RLF: variants seen among roughly 807,000 people sequenced by gnomAD.
RLF encodes the protein zinc finger protein Rlf.
A neutral mutation model predicts 162.9 loss-of-function variants in RLF; 7 were observed. That is an observed-to-expected ratio of 0.04 (90% CI 0.02 to 0.08). RLF has a LOEUF of 0.08. Among genes scored for constraint, RLF ranks in the 10% least tolerant of loss-of-function variants. The pLI, the probability that RLF is intolerant of heterozygous loss-of-function variation, is 1.00. For synonymous variants in RLF, 782 were observed against 791.5 expected (o/e 0.99, Z 0.20); for missense variants, 1,664 against 2,244.7 (o/e 0.74, Z 5.23).
intron 4 of RLF, among the ~76,000 whole-genome samples, chr1:40,201,853 TTAAA>T: frequency 6.6e-6 from 1 of 152,276 alleles, no homozygotes; most frequent in South Asian, 2.1e-4. Context: ...CATTGGGTTT[TTAAA>T]TAAAAGTGAA....
intron 4 of RLF, among the ~76,000 whole-genome samples, chr1:40,199,531 C>T (rs1231482589): frequency 1.3e-5 from 2 of 152,166 alleles, no homozygotes; most frequent in Non-Finnish European, 2.9e-5. Flanking sequence ...AGCTGTGTGT[C>T]AGAATCAGGT....
intron 1 of RLF, among the ~76,000 whole-genome samples, chr1:40,185,930 G>A (rs1642474643): frequency 6.6e-6 from 1 of 151,600 alleles, no homozygotes; most frequent in Non-Finnish European, 1.5e-5. Context: ...GCCAAGGCAG[G>A]CGGATCACTT....
intron 1 of RLF, among the ~76,000 whole-genome samples, chr1:40,169,350 C>CT (rs1642208039): frequency 1.3e-5 from 2 of 152,052 alleles, no homozygotes; most frequent in Non-Finnish European, 2.9e-5. Context: ...GGCGCGGTGG[C>CT]TCACGCCTGT....
chr1:40,186,119 C>G (rs1455621911), intron 1 of RLF, among the ~76,000 whole-genome samples: 1 of 151,890 alleles, frequency 6.6e-6, no homozygotes, highest in Non-Finnish European at 1.5e-5. Flanking sequence ...GATTTCACCA[C>G]CGCACCCCAA....
rs569323077 is a variant in RLF at position 40,224,795 on chromosome 1, T to C, written c.947+2085T>C. Among the ~76,000 whole-genome samples the C allele has an allele frequency of 3.2e-3, 484 of 150,840 alleles. 4 individuals carry two copies. The highest frequency in any genetic ancestry group is 2.5e-3 in the Non-Finnish European group (171 of 67,756). On this transcript the variant is annotated intron_variant, in intron 6 of 7. Transcript: ENST00000372771. ...TAAGGTCAGGAGTTCAAGACCAGCC[T>C]GACCAACATGGTGAAACCCCGTCTC...
In RLF at chr1:40,238,507, T is replaced by C; in HGVS notation, c.3805T>C (p.Ser1269Pro). ...TTGTGAAGAAACAGAAAGTAAAACA[T>C]CTGACATTTCATCACCAATAGGCAG... ...SSCEETESKT[S>P]DISSPIGSHR... The change falls in exon 8 of 8, where the codon TCT (serine) becomes CCT (proline). Residue 1269 changes from serine (S) to proline (P), a missense_variant. Transcript: ENST00000372771. This position sits in a 1 kb window ranked among gnomAD's most constrained non-coding sequence, Gnocchi z 5.2. 1.2e-6 allele frequency: 2 copies of C among 1,613,918 alleles called. No individual in the cohort carries two copies. The highest frequency in any genetic ancestry group is 2.2e-5 in the South Asian group (2 of 91,078).
intron 5 of RLF, among the ~76,000 whole-genome samples, chr1:40,210,419 A>G (rs1642850917): frequency 6.6e-6 from 1 of 152,212 alleles, no homozygotes; most frequent in African/African-American, 2.4e-5. Flanking sequence ...GTAGTAAAGC[A>G]CAGGTACTAA....
chr1:40,165,013 A>G (rs1186222053), intron 1 of RLF, among the ~76,000 whole-genome samples: 1 of 152,228 alleles, frequency 6.6e-6, no homozygotes, highest in Non-Finnish European at 1.5e-5. Context: ...GACCTTGGGC[A>G]TGTTATTTTC....
intron 1 of RLF, among the ~76,000 whole-genome samples, chr1:40,169,390 G>A (rs1642208529): frequency 6.6e-6 from 1 of 152,016 alleles, no homozygotes; most frequent in Non-Finnish European, 1.5e-5. Flanking sequence ...GCCGAGGCGG[G>A]TGGATCATGA....
At chr1:40,214,764 A>T (rs972470986) in intron 5 of RLF, among the ~76,000 whole-genome samples, 2 of 151,464 alleles carry the variant, frequency 1.3e-5, no homozygotes, top group East Asian at 1.9e-4. Flanking sequence ...CTACAAAAAA[A>T]TTTTTCAAAT....
At chr1:40,228,508 G>A (rs1453593521) in intron 6 of RLF, among the ~76,000 whole-genome samples, 5 of 151,812 alleles carry the variant, frequency 3.3e-5, no homozygotes, top group East Asian at 3.9e-4. Flanking sequence ...ACTTGAACCC[G>A]GGAGGCGGAG....
intron 5 of RLF, among the ~76,000 whole-genome samples, chr1:40,221,917 A>AAAAGAG (rs1486982312): frequency 5.8e-4 from 87 of 150,366 alleles, no homozygotes; most frequent in African/African-American, 2.0e-3. Context: ...AAAAAAAAAA[A>AAAAGAG]AGAGAAAGGA....
rs201441055 is a variant in RLF at position 40,222,552 on chromosome 1, T to A, written c.811-22T>A. The A allele has an allele frequency of 2.6e-4, 417 of 1,607,328 alleles. 2 individuals are homozygous for A. Among genetic ancestry groups the A allele is most frequent in the Admixed American group, 4.9e-4 (29 of 59,320 alleles). On this transcript the variant is annotated intron_variant, in intron 5 of 7. Coordinates refer to ENST00000372771, the MANE Select transcript of RLF (RefSeq NM_012421.4). ...GAAAAGTCACCATTTTCTTTTTGAC[T>A]TAGTCATCTCATTTTTGATAGATTG...
chr1:40,176,554 G>A (rs758484683), intron 1 of RLF, among the ~76,000 whole-genome samples: 3 of 152,122 alleles, frequency 2.0e-5, no homozygotes, highest in Non-Finnish European at 4.4e-5. Flanking sequence ...ATTCTCCCAC[G>A]ACAGCCTCCC....
intron 5 of RLF, among the ~76,000 whole-genome samples, chr1:40,210,189 A>T (rs528441842): frequency 6.6e-6 from 1 of 152,206 alleles, no homozygotes; most frequent in Non-Finnish European, 1.5e-5. Flanking sequence ...CTAATGTTGT[A>T]TTAGGCATTG....
intron 5 of RLF, among the ~76,000 whole-genome samples, chr1:40,221,917 A>AAAAAAAAAAAAAGAG (rs1486982312): frequency 2.7e-5 from 4 of 150,282 alleles, no homozygotes; most frequent in African/African-American, 9.9e-5. Flanking sequence ...AAAAAAAAAA[A>AAAAAAAAAAAAAGAG]AGAGAAAGGA....
At chr1:40,230,081 T>TC (rs1330622412) in intron 6 of RLF, among the ~76,000 whole-genome samples, 8 of 148,416 alleles carry the variant, frequency 5.4e-5, no homozygotes, top group African/African-American at 2.0e-4. Context: ...GCCATTGCAC[T>TC]CCAGCCTGGG....
rs747009290 is a variant in RLF at position 40,238,459 on chromosome 1, T to C, written c.3757T>C (p.Ser1253Pro). ...HCHPKKDECS[S>P]ETDLESSCEE... ...TCATCCTAAAAAGGATGAATGTAGT[T>C]CTGAAACAGATTTGGAATCATCTTG... The change falls in exon 8 of 8, where the codon TCT (serine) becomes CCT (proline). Residue 1253 changes from serine to proline, a missense_variant. By Grantham distance (74) the Ser-to-Pro change is moderately conservative (BLOSUM62 -1). Transcript: ENST00000372771. The surrounding 1 kb of genome is among the most constrained non-coding windows in gnomAD (Gnocchi z 5.2). The C allele has an allele frequency of 6.2e-7, 1 of 1,614,156 alleles. No individual in the cohort carries two copies. The highest frequency in any genetic ancestry group is 1.1e-5 in the South Asian group (1 of 91,088).
rs756514496 is a variant in RLF, at chr1:40,237,029, A to G, written c.2327A>G (p.Asn776Ser). 6.2e-7 allele frequency: 1 copy of G among 1,614,176 alleles called. No individual in the cohort carries two copies. The highest frequency in any genetic ancestry group is 8.5e-7 in the Non-Finnish European group (1 of 1,180,006). ...HDDLRYKCEL[N>S]GCNIVFSDLG... The stretch of plus-strand genomic sequence containing the variant: ...GATCTGCGTTACAAATGTGAATTAA[A>G]TGGCTGTAATATTGTTTTCAGTGAC... The change falls in exon 8 of 8, where the codon AAT (asparagine) becomes AGT (serine). Residue 776 changes from asparagine to serine, a missense_variant. Asn to Ser is a conservative substitution (Grantham distance 46, BLOSUM62 1). Transcript: ENST00000372771. The surrounding 1 kb of genome is among the most constrained non-coding windows in gnomAD (Gnocchi z 4.4).
Sources: gnomAD v4.1 joint callset for allele counts (sites outside exome capture counted in the v4.1 genomes callset) on GRCh38, gnomAD v4.1.1 for gene constraint, Gnocchi (gnomAD v3.1) non-coding constraint, MANE v1.5 for transcripts, NCBI Gene and HGNC (gene_info 2026-07-23, HGNC 2026-07-21) for gene names.